Variants in SPRY3 observed in about 807,000 individuals in gnomAD.
SPRY3 encodes the protein protein sprouty homolog 3.
SPRY3 carries 15 observed loss-of-function variants against 20.2 expected under a neutral mutation model. That is an observed-to-expected ratio of 0.74 (90% CI 0.50 to 1.14). SPRY3 has a LOEUF of 1.14. Among genes scored for constraint, SPRY3 ranks in the 50% most tolerant of loss-of-function variants. The pLI, the probability that SPRY3 is intolerant of heterozygous loss-of-function variation, is 0.00. For missense variants in SPRY3, 364 were observed against 363.9 expected (o/e 1.00, Z 0.00); for synonymous variants, 143 against 136.5 (o/e 1.05, Z -0.33).
At chrX:155,651,707 T>C (rs2124545452) in intron 1 of SPRY3, among the ~76,000 whole-genome samples, 1 of 111,741 alleles carries the variant, frequency 8.9e-6, no homozygotes, top group Admixed American at 9.5e-5. Context: ...ACATTTTTTA[T>C]TTTAATTTTA....
At chrX:155,759,580 T>C (rs28499570) in intron 2 of SPRY3, among the ~76,000 whole-genome samples, 17,208 of 152,054 alleles carry the variant, frequency 0.11, 2,103 homozygotes, top group African/African-American at 0.31. Flanking sequence ...TATTATTGTA[T>C]CTTAATTTAT....
chrX:155,643,399 GT>G (rs1557351579), intron 1 of SPRY3, among the ~76,000 whole-genome samples: 1 of 111,370 alleles, frequency 9.0e-6, no homozygotes. Flanking sequence ...ATTGGGTGTT[GT>G]TTTTATTCAT....
At chrX:155,725,556 A>G (rs2091091571) in intron 2 of SPRY3, among the ~76,000 whole-genome samples, 2 of 152,112 alleles carry the variant, frequency 1.3e-5, no homozygotes, top group African/African-American at 4.8e-5. Flanking sequence ...GGGAGGGTGT[A>G]TGTGTCAAGG....
At chrX:155,747,705 G>T (rs1715876139) in intron 2 of SPRY3, among the ~76,000 whole-genome samples, 1 of 151,994 alleles carries the variant, frequency 6.6e-6, no homozygotes, top group Admixed American at 6.6e-5. Flanking sequence ...CTGGAAGGCA[G>T]CCAGGTCCTT....
At chrX:155,712,158 G>A (rs1341994202) in intron 2 of SPRY3, among the ~76,000 whole-genome samples, 1 of 151,852 alleles carries the variant, frequency 6.6e-6, no homozygotes, top group Non-Finnish European at 1.5e-5. Flanking sequence ...AGAAAAATGT[G>A]CATCCTGCAG....
intron 2 of SPRY3, among the ~76,000 whole-genome samples, chrX:155,715,602 G>A (rs139033328): frequency 0.025 from 3,798 of 152,178 alleles, 62 homozygotes; most frequent in South Asian, 0.068. Context: ...TAGATTGTGT[G>A]CCCCCTAAGT....
At chrX:155,698,851 C>T (rs1303219666) in intron 2 of SPRY3, among the ~76,000 whole-genome samples, 2 of 111,929 alleles carry the variant, frequency 1.8e-5, no homozygotes, top group Non-Finnish European at 3.8e-5. Flanking sequence ...TTGGGTATTA[C>T]ATGTGAAAAT....
intron 2 of SPRY3, among the ~76,000 whole-genome samples, chrX:155,726,817 T>G (rs1226438720): frequency 2.6e-5 from 4 of 152,222 alleles, no homozygotes; most frequent in Non-Finnish European, 5.9e-5. Flanking sequence ...TTAGCCCATT[T>G]ACATTTAAGG....
downstream of SPRY3, chrX:155,778,423 A>G (rs542168401): frequency 4.8e-5 from 8 of 167,150 alleles, 2 homozygotes; most frequent in East Asian, 1.9e-4. Context: ...GCCAGTTACC[A>G]TTTCTTAGCT....
chrX:155,650,510 A>G (rs1017068558), intron 1 of SPRY3, among the ~76,000 whole-genome samples: 1 of 112,263 alleles, frequency 8.9e-6, no homozygotes, highest in Non-Finnish European at 1.9e-5. Context: ...CTCAACTTTT[A>G]TAGATGTTTT....
rs1240431829 is a variant in SPRY3 at position 155,646,475 on chromosome X, G to A, written c.-440-10392G>A. ...TTATTTCTTTCAACAATGTTTTCTA[G>A]TTTTCAGTGTACAAGACTTTTGCCT... On this transcript the variant is annotated intron_variant, in intron 1 of 3. Coordinates refer to ENST00000675360, the Ensembl canonical transcript of SPRY3. 9.9e-5 allele frequency among the ~76,000 whole-genome samples: 11 copies of A among 111,455 alleles called. No homozygotes were observed. The Admixed American group carries it at 1.0e-3, about 11-fold the overall frequency.
chrX:155,721,303 G>GA (rs2091055687), intron 2 of SPRY3, among the ~76,000 whole-genome samples: 1 of 152,026 alleles, frequency 6.6e-6, no homozygotes, highest in South Asian at 2.1e-4. Flanking sequence ...ACAGGATCTA[G>GA]AAAATAGCCT....
chrX:155,658,850 G>A lies in SPRY3; in HGVS notation c.-282+1825G>A, dbSNP rs1364268706. On this transcript the variant is annotated intron_variant, in intron 2 of 3. Transcript: ENST00000675360. ...TATATATGGCTTTAATTATTTTGAGGTGTGTTCCTTTGATGCCTAGCTTGT... is the reference window on the plus strand; with the variant it reads ...TATATATGGCTTTAATTATTTTGAGATGTGTTCCTTTGATGCCTAGCTTGT... Among the ~76,000 whole-genome samples the A allele has an allele frequency of 4.5e-5, 5 of 111,754 alleles. No homozygotes were observed. The East Asian group carries it at 8.5e-4, about 19-fold the overall frequency.
At chrX:155,707,165 A>G (rs1438928646) in intron 2 of SPRY3, among the ~76,000 whole-genome samples, 1 of 151,202 alleles carries the variant, frequency 6.6e-6, no homozygotes, top group African/African-American at 2.4e-5. Context: ...TAAGGGGCAT[A>G]CCATAAATTT....
chrX:155,760,365 G>T (rs1414005519), intron 2 of SPRY3, among the ~76,000 whole-genome samples: 6 of 152,166 alleles, frequency 3.9e-5, no homozygotes, highest in Non-Finnish European at 1.5e-5. Context: ...TTAGCATAAG[G>T]ATTGGCTTAG....
At chrX:155,761,015 A>C (rs1340602378) in intron 2 of SPRY3, among the ~76,000 whole-genome samples, 1 of 151,220 alleles carries the variant, frequency 6.6e-6, no homozygotes, top group Non-Finnish European at 1.5e-5. Context: ...TTTCCCATTG[A>C]CTCCTTCCTT....
At chrX:155,730,457 G>T (rs1017200294) in intron 2 of SPRY3, among the ~76,000 whole-genome samples, 1 of 152,218 alleles carries the variant, frequency 6.6e-6, no homozygotes, top group East Asian at 1.9e-4. Flanking sequence ...TTCAATAGAT[G>T]CTGAAAAAGC....
At chrX:155,684,337 C>G (rs1160894141) in intron 2 of SPRY3, among the ~76,000 whole-genome samples, 1 of 111,121 alleles carries the variant, frequency 9.0e-6, no homozygotes, top group African/African-American at 3.3e-5. Flanking sequence ...CAGCTTGCAG[C>G]AGGTGAAGGG....
chrX:155,708,031 C>T (rs1354132732), intron 2 of SPRY3, among the ~76,000 whole-genome samples: 2 of 151,146 alleles, frequency 1.3e-5, no homozygotes, highest in Admixed American at 6.6e-5. Flanking sequence ...TTATAATATA[C>T]AATTTTAATT....
Sources: gnomAD v4.1 joint callset for allele counts (sites outside exome capture counted in the v4.1 genomes callset) on GRCh38, gnomAD v4.1.1 for gene constraint, MANE v1.5 for transcripts, NCBI Gene and HGNC (gene_info 2026-07-23, HGNC 2026-07-21) for gene names.